Variants in WNK2 observed in about 807,000 individuals in gnomAD.
WNK2 encodes the protein WNK lysine deficient protein kinase 2, also known as serine/threonine-protein kinase WNK2.
A neutral mutation model predicts 192.1 loss-of-function variants in WNK2; 67 were observed. The ratio of observed to expected loss-of-function variants is 0.35; its 90% CI spans 0.29 to 0.43. The LOEUF (loss-of-function observed/expected upper bound fraction) is 0.43. Ranked by LOEUF, WNK2 falls within the 20% of genes least tolerant of loss-of-function variation. The pLI, the probability that WNK2 is intolerant of heterozygous loss-of-function variation, is 1.00. For synonymous variants in WNK2, 1,439 were observed against 1,393.9 expected, an observed-to-expected ratio of 1.03 and a Z score of -0.72; for missense variants, 2,698 against 3,089.7, an observed-to-expected ratio of 0.87 and a Z score of 3.01.
intron 8 of WNK2, among the ~76,000 whole-genome samples, chr9:93,251,738 A>G (rs540333931): frequency 2.0e-5 from 3 of 152,294 alleles, no homozygotes; most frequent in East Asian, 1.9e-4. Context: ...TGCTACACAT[A>G]TGGTTAGAAT....
intron 19 of WNK2, among the ~76,000 whole-genome samples, chr9:93,272,509 C>T (rs978582691): frequency 4.6e-5 from 7 of 151,974 alleles, no homozygotes; most frequent in South Asian, 2.1e-4. Context: ...AGCCCAAGTT[C>T]GGGGGGATCA....
chr9:93,256,625 G>C, intron 10 of WNK2, 171 bp downstream of exon 10: 1 of 784,416 alleles, frequency 1.3e-6, no homozygotes. Flanking sequence ...GTATGTGCAT[G>C]TGTTTGTGTG....
chr9:93,267,081 C>G (rs1050887831), intron 16 of WNK2: 1 of 152,270 alleles, frequency 6.6e-6, no homozygotes, highest in Non-Finnish European at 1.5e-5. Context: ...CTCCTGAGCC[C>G]CTGGTCTGGA....
In WNK2 at chr9:93,289,438, C is replaced by G. The variant is rs1223912426; in HGVS notation, c.4684C>G (p.Gln1562Glu). Residue 1562 changes from glutamine (Q) to glutamate (E), a missense_variant, in exon 20 of 30, where the codon CAG becomes GAG. Physicochemically the swap from Gln to Glu is conservative, Grantham distance 29. Around this residue, in one of 7 missense-constraint regions of WNK2, gnomAD observed 1,098 missense variants for 1,101.0 expected, o/e 1.00. Transcript: ENST00000427277. ...LDEKLRTLLYQEHVPTSSASA... is the reference protein window; with the variant it reads ...LDEKLRTLLYEEHVPTSSASA... ...CGAGAAGCTGCGGACTCTGCTCTAC[C>G]AGGAGCACGTGCCCACCTCCTCAGC... 1 of 1,612,822 alleles carries G rather than the reference C, an allele frequency of 6.2e-7. No individual in the cohort carries two copies. The highest frequency in any genetic ancestry group is 1.7e-5 in the Admixed American group (1 of 59,992).
chr9:93,241,532 A>T (rs925644413), intron 7 of WNK2, among the ~76,000 whole-genome samples: 2 of 152,132 alleles, frequency 1.3e-5, no homozygotes, highest in South Asian at 4.1e-4. Context: ...CCCAAGCTTC[A>T]CTTCTCCAGG....
In WNK2 at chr9:93,257,062, G is replaced by C; in HGVS notation, c.2305G>C (p.Val769Leu). The change falls in exon 11 of 30, where the codon GTG becomes CTG. Residue 769 changes from valine to leucine, a missense_variant. Physicochemically the swap from Val to Leu is conservative, Grantham distance 32. This residue lies in a region of WNK2 where 893 missense variants were observed against 909.0 expected (regional missense o/e 0.98). Transcript: ENST00000427277. This position sits in a 1 kb window ranked among gnomAD's most constrained non-coding sequence, Gnocchi z 4.7. The part of the protein sequence containing the change: ...LPPYLAPASQ[V>L]GAPAQLKPLQ... The stretch of plus-strand genomic sequence containing the variant: ...ACCGTACCTGGCTCCAGCCTCCCAG[G>C]TGGGGGCCCCCGCTCAGCTGAAGCC... 1.9e-6 allele frequency: 3 copies of C among 1,606,528 alleles called. No homozygotes were observed. Among genetic ancestry groups the C allele is most frequent in the Non-Finnish European group, 1.7e-6 (2 of 1,178,428 alleles).
chr9:93,205,764 G>T lies in WNK2; in HGVS notation c.681+20154G>T, dbSNP rs1051797971. Among the ~76,000 whole-genome samples, 5 of 152,222 alleles carry T rather than the reference G, an allele frequency of 3.3e-5. No individual in the cohort carries two copies. The South Asian group carries it at 8.3e-4, about 25-fold the overall frequency. ...TTTGAGAAGCTTCTCTCTGGGGGAC[G>T]TGGTGTTAAAGGCCTTTCTTCGTGG... On this transcript the variant is annotated intron_variant, in intron 2 of 29. Coordinates refer to ENST00000427277, the MANE Select transcript of WNK2 (RefSeq NM_006648.4).
intron 29 of WNK2, chr9:93,318,102 C>T (rs1855070263): frequency 6.3e-7 from 1 of 1,582,600 alleles, no homozygotes; most frequent in Non-Finnish European, 8.6e-7. Context: ...TGTCGTCACC[C>T]TGCAGAAGTA....
Position 93,289,272 on chromosome 9 carries a change from C to T in WNK2, c.4518C>T (p.Ala1506=), listed in dbSNP as rs572673635. The part of the protein sequence containing the change: ...PAPLLPAAVG[A]VSLATSQLPS... ...CCCTGCTTCCTGCCGCAGTGGGGGCCGTCAGCCTGGCCACCTCCCAGCTCC... is the reference window on the plus strand; with the variant it reads ...CCCTGCTTCCTGCCGCAGTGGGGGCTGTCAGCCTGGCCACCTCCCAGCTCC... The change falls in exon 20 of 30, where the codon GCC becomes GCT. Residue 1506 remains alanine (A), a synonymous_variant. Transcript: ENST00000427277. 4.5e-5 allele frequency: 72 copies of T among 1,599,944 alleles called. No homozygotes were observed. The African/African-American group carries it at 5.1e-4, about 11-fold the overall frequency.
At chr9:93,200,389 G>A (rs1417285013) in intron 2 of WNK2, among the ~76,000 whole-genome samples, 1 of 152,226 alleles carries the variant, frequency 6.6e-6, no homozygotes, top group African/African-American at 2.4e-5. Context: ...CTGCCCAGAG[G>A]AGGGCACGTT....
chr9:93,259,568 C>G lies in WNK2; in HGVS notation c.3020C>G (p.Pro1007Arg). ...ALPVRPEPLQ[P>R]HLPEQAAPAA... ...CCTGTGCGCCCTGAGCCCCTCCAGCCCCACCTTCCTGAACAAGCTGCTCCA... is the reference window on the plus strand; with the variant it reads ...CCTGTGCGCCCTGAGCCCCTCCAGCGCCACCTTCCTGAACAAGCTGCTCCA... The change falls in exon 12 of 30, where the codon CCC (proline) becomes CGC (arginine). Residue 1007 changes from proline to arginine, a missense_variant. By Grantham distance (103) the Pro-to-Arg change is moderately radical. Around this residue, in one of 7 missense-constraint regions of WNK2, gnomAD observed 893 missense variants for 909.0 expected, o/e 0.98. Coordinates refer to ENST00000427277, the MANE Select transcript of WNK2 (RefSeq NM_006648.4). The surrounding 1 kb of genome is among the most constrained non-coding windows in gnomAD (Gnocchi z 4.8). 1.9e-6 allele frequency: 3 copies of G among 1,594,520 alleles called. No individual in the cohort carries two copies. The highest frequency in any genetic ancestry group is 2.2e-5 in the East Asian group (1 of 44,790).
intron 2 of WNK2, among the ~76,000 whole-genome samples, chr9:93,214,411 C>T (rs141889779): frequency 6.6e-6 from 1 of 152,056 alleles, no homozygotes; most frequent in Non-Finnish European, 1.5e-5. Context: ...TCAAGTGATT[C>T]TTCTGCCTCA....
At chr9:93,289,686 G>A (rs1048615194) in intron 20 of WNK2, 66 bp downstream of exon 20, 38 of 1,396,220 alleles carry the variant, frequency 2.7e-5, no homozygotes, top group African/African-American at 8.7e-5. Context: ...GCGCAGGCCC[G>A]GGGGTGGGCA....
chr9:93,316,470 C>T (rs1474454073), intron 28 of WNK2: 1 of 152,188 alleles, frequency 6.6e-6, no homozygotes, highest in Admixed American at 6.5e-5. Context: ...TGTTATACCT[C>T]TTTCATTAAA....
Position 93,306,796 on chromosome 9 carries a change from C to T in WNK2, c.6234C>T (p.Leu2078=). The change falls in exon 27 of 30, where the codon CTC becomes CTT. Residue 2078 remains leucine, a synonymous_variant. Transcript: ENST00000427277. ...SVSIWSALKR[L]CLGKEHSSRS... ...TTGCAGGGTCTGCCCTGAAGCGTCT[C>T]TGCCTAGGCAAAGAACACAGCAGTA... The T allele has an allele frequency of 6.2e-7, 1 of 1,614,084 alleles. No individual in the cohort carries two copies. Among genetic ancestry groups the T allele is most frequent in the Non-Finnish European group, 8.5e-7 (1 of 1,179,894 alleles).
Position 93,256,308 on chromosome 9 carries a change from C to T in WNK2, c.2044C>T (p.Pro682Ser). 2 of 1,563,696 alleles carry T rather than the reference C, an allele frequency of 1.3e-6. No homozygotes were observed. ...YQQPTAAPGL[P>S]VGSVPAPACP... ...CTGGTGCTCTCTGCAGCCTGGCTTG[C>T]CGGTGGGCTCTGTCCCGGCCCCCGC... The change falls in exon 10 of 30, where the codon CCG becomes TCG. Residue 682 changes from proline (P) to serine (S), a missense_variant. Coordinates refer to ENST00000427277, the MANE Select transcript of WNK2 (RefSeq NM_006648.4).
At chr9:93,190,109 G>A (rs1038438793) in intron 2 of WNK2, among the ~76,000 whole-genome samples, 5 of 152,214 alleles carry the variant, frequency 3.3e-5, no homozygotes, top group African/African-American at 1.2e-4. Flanking sequence ...TGGGCGAGAT[G>A]TTTTCTGCAC....
chr9:93,309,105 G>T, intron 28 of WNK2: 7 of 986,402 alleles, frequency 7.1e-6, no homozygotes, highest in Non-Finnish European at 8.4e-6. Flanking sequence ...AGTTGGAGAA[G>T]CATCTGCTGT....
intron 19 of WNK2, among the ~76,000 whole-genome samples, chr9:93,277,047 A>AG (rs1402392566): frequency 1.3e-5 from 2 of 152,182 alleles, no homozygotes; most frequent in Non-Finnish European, 2.9e-5. Context: ...AAAAAAAAAA[A>AG]ATGAGCAACT....
Sources: allele counts gnomAD v4.1 joint callset (sites outside exome capture counted in the v4.1 genomes callset), GRCh38; gene constraint gnomAD v4.1.1; regional missense constraint gnomAD v4.1.1; non-coding constraint Gnocchi (gnomAD v3.1); transcripts MANE v1.5; gene names NCBI Gene and HGNC (gene_info 2026-07-23, HGNC 2026-07-21).